Variants in STX8 observed in about 807,000 individuals in gnomAD.
STX8 encodes syntaxin-8.
In STX8, 23 loss-of-function variants were observed where a neutral mutation model predicts 37.5. The ratio of observed to expected loss-of-function variants is 0.61; its 90% confidence interval spans 0.44 to 0.87. The LOEUF (loss-of-function observed/expected upper bound fraction) is 0.87. Ranked by LOEUF, STX8 falls within the 40% of genes least tolerant of loss-of-function variation. The pLI, the probability that STX8 is intolerant of heterozygous loss-of-function variation, is 0.00. For synonymous variants in STX8, 115 were observed against 99.1 expected, an observed-to-expected ratio of 1.16 and a Z score of -0.95; for missense variants, 313 against 284.7, an observed-to-expected ratio of 1.10 and a Z score of -0.71.
chr17:9,538,545 A>G (rs1906151166), intron 4 of STX8, among the ~76,000 whole-genome samples: 1 of 152,250 alleles, frequency 6.6e-6, no homozygotes, highest in African/African-American at 2.4e-5. Context: ...TGAAATACAC[A>G]TTGGAAATAT....
At chr17:9,410,839 G>A (rs555130982) in intron 6 of STX8, among the ~76,000 whole-genome samples, 8 of 152,116 alleles carry the variant, frequency 5.3e-5, no homozygotes, top group Non-Finnish European at 7.4e-5. Context: ...TGTAACATAC[G>A]AAGAGAAAAG....
At chr17:9,460,384 T>A (rs936620059) in intron 6 of STX8, among the ~76,000 whole-genome samples, 1 of 152,094 alleles carries the variant, frequency 6.6e-6, no homozygotes, top group Non-Finnish European at 1.5e-5. Context: ...AAAAAATTAC[T>A]AAATTCAGCC....
intron 7 of STX8, among the ~76,000 whole-genome samples, chr17:9,334,094 C>A (rs1387884050): frequency 7.0e-6 from 1 of 142,698 alleles, no homozygotes; most frequent in Non-Finnish European, 1.5e-5. Context: ...AAGGTGAAAT[C>A]ATGGGTCGTC....
intron 4 of STX8, among the ~76,000 whole-genome samples, chr17:9,523,637 C>T (rs1367759722): frequency 2.0e-5 from 3 of 152,172 alleles, no homozygotes; most frequent in Admixed American, 6.5e-5. Flanking sequence ...TAATGATTTC[C>T]ATCTTTGTCT....
intron 5 of STX8, among the ~76,000 whole-genome samples, chr17:9,495,784 T>C (rs1321693198): frequency 1.3e-5 from 2 of 152,242 alleles, no homozygotes; most frequent in Non-Finnish European, 2.9e-5. Context: ...ATCACATTCA[T>C]AACCTGGGCT....
At chr17:9,406,472 T>C (rs982770824) in intron 6 of STX8, among the ~76,000 whole-genome samples, 1 of 152,236 alleles carries the variant, frequency 6.6e-6, no homozygotes, top group Non-Finnish European at 1.5e-5. Context: ...GAGGTGACTA[T>C]GAAATTACTA....
intron 6 of STX8, among the ~76,000 whole-genome samples, chr17:9,381,509 C>T (rs533870021): frequency 6.6e-6 from 1 of 152,180 alleles, no homozygotes; most frequent in Non-Finnish European, 1.5e-5. Flanking sequence ...TTGCCTCCTG[C>T]AGCACTTCCT....
intron 6 of STX8, chr17:9,464,722 GT>G (rs11294998): frequency 0.5 from 54,705 of 108,896 alleles, 10,765 homozygotes; most frequent in East Asian, 0.76. Flanking sequence ...CAATCTCATT[GT>G]TTTTTTTTTT....
At chr17:9,468,404 C>G (rs986934806) in intron 6 of STX8, among the ~76,000 whole-genome samples, 1 of 152,234 alleles carries the variant, frequency 6.6e-6, no homozygotes, top group African/African-American at 2.4e-5. Flanking sequence ...GCCACTGCAC[C>G]CAGCAATATA....
At chr17:9,400,197 G>T (rs1204958118) in intron 6 of STX8, among the ~76,000 whole-genome samples, 1 of 151,232 alleles carries the variant, frequency 6.6e-6, no homozygotes, top group Non-Finnish European at 1.5e-5. Flanking sequence ...CCGCCTCCCG[G>T]GTTCATGCCA....
intron 6 of STX8, among the ~76,000 whole-genome samples, chr17:9,413,669 C>T (rs373856540): frequency 6.6e-6 from 1 of 152,122 alleles, no homozygotes; most frequent in Non-Finnish European, 1.5e-5. Flanking sequence ...GTTTCCACTA[C>T]CCCAACACTA....
chr17:9,516,231 A>T (rs980436794), intron 4 of STX8, among the ~76,000 whole-genome samples: 1 of 147,392 alleles, frequency 6.8e-6, no homozygotes, highest in East Asian at 2.0e-4. Context: ...AAAAGCTGTT[A>T]TTCAAGGGGA....
intron 7 of STX8, among the ~76,000 whole-genome samples, chr17:9,319,336 G>A (rs1013799903): frequency 5.3e-5 from 8 of 152,070 alleles, no homozygotes; most frequent in East Asian, 3.9e-4. Context: ...GAAGAATGGC[G>A]TGAACCTGGG....
intron 7 of STX8, among the ~76,000 whole-genome samples, chr17:9,334,587 G>A (rs769778371): frequency 6.6e-6 from 1 of 152,054 alleles, no homozygotes; most frequent in Non-Finnish European, 1.5e-5. Flanking sequence ...AGTAAGTCTC[G>A]AAGTATGCAG....
chr17:9,326,892 G>T (rs2142211813), intron 7 of STX8, among the ~76,000 whole-genome samples: 1 of 152,324 alleles, frequency 6.6e-6, no homozygotes, highest in South Asian at 2.1e-4. Flanking sequence ...GGGCATGGTG[G>T]CTCACGCCTG....
At chr17:9,545,326 G>A (rs770981586) in intron 3 of STX8, 44 bp from the exon 4 acceptor site, 26 of 1,372,268 alleles carry the variant, frequency 1.9e-5, no homozygotes, top group East Asian at 2.3e-5. Context: ...AAATGACCTC[G>A]TTTTAACTAT....
chr17:9,381,059 G>A (rs543322479), intron 6 of STX8, among the ~76,000 whole-genome samples: 1 of 152,098 alleles, frequency 6.6e-6, no homozygotes, highest in African/African-American at 2.4e-5. Context: ...ATAATATGCT[G>A]TACAGGTTTT....
At chr17:9,291,480 T>C (rs1424793374) in intron 7 of STX8, among the ~76,000 whole-genome samples, 1 of 151,684 alleles carries the variant, frequency 6.6e-6, no homozygotes, top group Non-Finnish European at 1.5e-5. Context: ...TTTCCTTTCC[T>C]ATTAAATACT....
At chr17:9,439,769 C>A (rs1054195429) in intron 6 of STX8, among the ~76,000 whole-genome samples, 1 of 152,062 alleles carries the variant, frequency 6.6e-6, no homozygotes, top group Non-Finnish European at 1.5e-5. Flanking sequence ...GCTGGGATTA[C>A]AGGCGTGAGT....
Sources: gnomAD v4.1 joint callset for allele counts (sites outside exome capture counted in the v4.1 genomes callset) on GRCh38, gnomAD v4.1.1 for gene constraint, MANE v1.5 for transcripts, NCBI Gene and HGNC (gene_info 2026-07-23, HGNC 2026-07-21) for gene names.